The following CSMD1 variants were observed in gnomAD, a reference collection of about 807,000 sequenced individuals.
CSMD1 encodes the protein CUB and Sushi multiple domains 1.
CSMD1 carries 213 observed loss-of-function variants against 417.5 expected under a neutral mutation model. The observed-to-expected ratio is 0.51, with a 90% CI of 0.46 to 0.57. The LOEUF (loss-of-function observed/expected upper bound fraction) is 0.57, where lower values mean the gene tolerates loss of function less well. Among genes scored for constraint, CSMD1 ranks in the 20% least tolerant of loss-of-function variants. CSMD1 has a pLI of 0.00. For synonymous variants in CSMD1, 2,862 were observed against 1,736.8 expected (o/e 1.65, Z -16.11); for missense variants, 6,923 against 4,529.7 (o/e 1.53, Z -15.17).
At chr8:4,153,565 TG>T (rs1162368711) in intron 3 of CSMD1, among the ~76,000 whole-genome samples, 2 of 152,210 alleles carry the variant, frequency 1.3e-5, no homozygotes, top group Non-Finnish European at 2.9e-5. Flanking sequence ...CACGCAATCA[TG>T]GGAAATGCTG....
intron 1 of CSMD1, among the ~76,000 whole-genome samples, chr8:4,917,312 C>T (rs1027038346): frequency 6.6e-6 from 1 of 152,182 alleles, no homozygotes; most frequent in Non-Finnish European, 1.5e-5. Context: ...AATCAGGCCC[C>T]ACCTTCAACA....
At position 3,273,930 on chromosome 8, in the gene CSMD1, A is replaced by C. The variant is rs193275560; in HGVS notation, c.4153+10214T>G. ...GGTTTTTTGTGTCTCTATTTCCTTC[A>C]GTTCTACTCTGATTTTAGTTATTTC... On this transcript the variant is annotated intron_variant, in intron 26 of 69. Coordinates refer to ENST00000635120, the MANE Select transcript of CSMD1 (RefSeq NM_033225.6). Among the ~76,000 whole-genome samples the C allele has an allele frequency of 2.0e-3, 303 of 151,734 alleles. 4 individuals carry two copies. The highest frequency in any genetic ancestry group is 8.0e-3 in the Admixed American group (122 of 15,242).
At chr8:4,560,627 C>G (rs906657788) in intron 2 of CSMD1, among the ~76,000 whole-genome samples, 7 of 152,290 alleles carry the variant, frequency 4.6e-5, no homozygotes, top group Middle Eastern at 3.4e-3. Context: ...CGGTTTAGTC[C>G]TCATGTGACA....
At chr8:4,953,487 A>G (rs550564786) in intron 1 of CSMD1, among the ~76,000 whole-genome samples, 113 of 152,214 alleles carry the variant, frequency 7.4e-4, no homozygotes, top group African/African-American at 2.6e-3. Flanking sequence ...TTTCTGGATG[A>G]ACCCAACATC....
intron 1 of CSMD1, among the ~76,000 whole-genome samples, chr8:4,887,340 G>T (rs1179798975): frequency 6.6e-6 from 1 of 152,052 alleles, no homozygotes; most frequent in East Asian, 1.9e-4. Context: ...TATTTTGTAG[G>T]ATTTCAATCC....
chr8:4,432,073 G>A (rs1797900095), intron 2 of CSMD1, among the ~76,000 whole-genome samples: 1 of 151,902 alleles, frequency 6.6e-6, no homozygotes, highest in Non-Finnish European at 1.5e-5. Flanking sequence ...AAACAGACAG[G>A]ATTAGAATAC....
chr8:3,852,948 A>G (rs1372276611), intron 5 of CSMD1, among the ~76,000 whole-genome samples: 1 of 152,054 alleles, frequency 6.6e-6, no homozygotes, highest in African/African-American at 2.4e-5. Flanking sequence ...ATATTGCTCC[A>G]TTTATTTGCA....
At chr8:4,304,421 G>A (rs1156261634) in intron 3 of CSMD1, among the ~76,000 whole-genome samples, 1 of 152,124 alleles carries the variant, frequency 6.6e-6, no homozygotes, top group Non-Finnish European at 1.5e-5. Context: ...GCGACAGAAG[G>A]TGAATTTAAG....
chr8:4,315,125 G>A (rs1208708949), intron 3 of CSMD1, among the ~76,000 whole-genome samples: 2 of 152,134 alleles, frequency 1.3e-5, no homozygotes, highest in African/African-American at 4.8e-5. Context: ...CATCGCAAGA[G>A]CACCACTCAT....
At chr8:4,397,523 CTTTTTTT>C (rs57745028) in intron 3 of CSMD1, among the ~76,000 whole-genome samples, 18 of 59,956 alleles carry the variant, frequency 3.0e-4, no homozygotes, top group Admixed American at 1.8e-3. Flanking sequence ...GCCTGAGACT[CTTTTTTT>C]TTTTTTTTTT....
chr8:3,529,778 G>A (rs192494572), intron 10 of CSMD1, among the ~76,000 whole-genome samples: 3 of 152,190 alleles, frequency 2.0e-5, no homozygotes, highest in Admixed American at 6.5e-5. Flanking sequence ...AACATACTTC[G>A]TTTCCTCTTC....
chr8:3,568,523 C>T (rs1488430822), intron 10 of CSMD1, among the ~76,000 whole-genome samples: 1 of 152,088 alleles, frequency 6.6e-6, no homozygotes, highest in Non-Finnish European at 1.5e-5. Flanking sequence ...AAAAGTATTG[C>T]ACAAGAAGCT....
intron 1 of CSMD1, among the ~76,000 whole-genome samples, chr8:4,790,869 T>G (rs1405512200): frequency 6.6e-6 from 1 of 151,974 alleles, no homozygotes; most frequent in Non-Finnish European, 1.5e-5. Context: ...AAACCTAAAC[T>G]ATAAAAACCC....
chr8:3,127,968 G>C (rs1223737946), intron 41 of CSMD1: 1 of 127,320 alleles, frequency 7.9e-6, no homozygotes, highest in Non-Finnish European at 1.6e-5. Flanking sequence ...AAGAGGGAGG[G>C]AGGGAAGGAA....
intron 3 of CSMD1, among the ~76,000 whole-genome samples, chr8:4,139,432 A>G (rs1803641403): frequency 2.8e-5 from 4 of 144,520 alleles, no homozygotes; most frequent in African/African-American, 1.2e-4. Flanking sequence ...GTAAAGAACG[A>G]AGGAAGACTC....
At chr8:3,029,953 T>C (rs1441340408) in intron 50 of CSMD1, among the ~76,000 whole-genome samples, 1 of 152,112 alleles carries the variant, frequency 6.6e-6, no homozygotes, top group African/African-American at 2.4e-5. Context: ...TGCCCTCATT[T>C]CTTCAAACCT....
chr8:3,771,793 C>A (rs530851965), intron 5 of CSMD1, among the ~76,000 whole-genome samples: 1 of 152,260 alleles, frequency 6.6e-6, no homozygotes, highest in South Asian at 2.1e-4. Flanking sequence ...GGAAAGAACT[C>A]TGGGAACCCT....
intron 3 of CSMD1, among the ~76,000 whole-genome samples, chr8:4,394,071 A>C (rs1804041507): frequency 1.3e-5 from 2 of 152,182 alleles, no homozygotes; most frequent in African/African-American, 4.8e-5. Context: ...CTCATATCTG[A>C]AACAAACTCC....
chr8:4,738,367 G>C (rs372312370), intron 1 of CSMD1, among the ~76,000 whole-genome samples: 278 of 152,256 alleles, frequency 1.8e-3, no homozygotes, highest in South Asian at 7.9e-3. Flanking sequence ...TTCAATCGTA[G>C]CAAAAGGGCA....
Sources: gnomAD v4.1 joint callset for allele counts (sites outside exome capture counted in the v4.1 genomes callset) on GRCh38, gnomAD v4.1.1 for gene constraint, MANE v1.5 for transcripts, NCBI Gene and HGNC (gene_info 2026-07-23, HGNC 2026-07-21) for gene names.